SLC17A9: variants seen among roughly 807,000 people sequenced by gnomAD.
SLC17A9 encodes the protein solute carrier family 17 member 9.
SLC17A9 carries 49 observed loss-of-function variants against 55.0 expected under a neutral mutation model. The observed-to-expected ratio is 0.89, with a 90% CI of 0.71 to 1.13. The LOEUF (loss-of-function observed/expected upper bound fraction) is 1.13. SLC17A9 is among the 50% of genes most tolerant of loss of function. The pLI, the probability that SLC17A9 is intolerant of heterozygous loss-of-function variation, is 0.00. For missense variants in SLC17A9, 526 were observed against 569.3 expected (o/e 0.92, Z 0.77); for synonymous variants, 256 against 247.4 (o/e 1.03, Z -0.32).
In SLC17A9 at chr20:62,957,524, G is replaced by T. The variant is rs752793416; in HGVS notation, c.341G>T (p.Ser114Ile). The T allele has an allele frequency of 6.2e-7, 1 of 1,609,434 alleles. No individual in the cohort carries two copies. Among genetic ancestry groups the T allele is most frequent in the Non-Finnish European group, 8.5e-7 (1 of 1,178,492 alleles). ...GTCACCCCACTGCTCGCCCACCTGAGCAGTGCCCACCTGGCCTTCATGACC... is the reference window on the plus strand; with the variant it reads ...GTCACCCCACTGCTCGCCCACCTGATCAGTGCCCACCTGGCCTTCATGACC... Reference protein sequence around the residue: ...TAVTPLLAHLSSAHLAFMTFS... With the variant: ...TAVTPLLAHLISAHLAFMTFS... Residue 114 changes from serine (S) to isoleucine (I), a missense_variant, in exon 3 of 13, where the codon AGC becomes ATC. Ser to Ile is a moderately radical substitution (Grantham distance 142). Coordinates refer to ENST00000370351, the MANE Select transcript of SLC17A9 (RefSeq NM_022082.4).
At chr20:62,960,979 C>T (rs73316333) in intron 4 of SLC17A9, among the ~76,000 whole-genome samples, 5,209 of 152,122 alleles carry the variant, frequency 0.034, 304 homozygotes, top group African/African-American at 0.11. Flanking sequence ...AGCGCAGGAG[C>T]GTCTGGGCCA....
At chr20:62,964,536 G>A (rs8125819) in intron 8 of SLC17A9, among the ~76,000 whole-genome samples, 3,176 of 152,288 alleles carry the variant, frequency 0.021, 88 homozygotes, top group African/African-American at 0.071. Context: ...CTGGGGGCTG[G>A]ATGCAGCCCC....
intron 3 of SLC17A9, among the ~76,000 whole-genome samples, chr20:62,959,842 C>T (rs540993463): frequency 1.3e-5 from 2 of 152,346 alleles, no homozygotes; most frequent in South Asian, 2.1e-4. Flanking sequence ...ACCGTGGCTC[C>T]GCGGTGCCTC....
chr20:62,966,991 C>T (rs752645994), intron 12 of SLC17A9: 76 of 584,074 alleles, frequency 1.3e-4, no homozygotes, highest in East Asian at 1.1e-3. Flanking sequence ...CCAGGGTCCC[C>T]GGGACACCTC....
At position 62,958,077 on chromosome 20, in the gene SLC17A9, ATGTG is replaced by A. The variant is rs1284980369; in HGVS notation, c.397+504_397+507del. 6.6e-6 allele frequency among the ~76,000 whole-genome samples: 1 copy of A among 151,314 alleles called. No homozygotes were observed. The highest frequency in any genetic ancestry group is 2.4e-5 in the African/African-American group (1 of 41,108). ...CGTGTGCATGCCTGTATGCATGTGT[ATGTG>A]TGTGTGCGTTCCTGTATCCATGTGT... On this transcript the variant is annotated intron_variant, in intron 3 of 12. Coordinates refer to ENST00000370351, the MANE Select transcript of SLC17A9 (RefSeq NM_022082.4). The surrounding 1 kb of genome is among the most constrained non-coding windows in gnomAD (Gnocchi z 4.1).
rs1568913247 is a variant in SLC17A9, at chr20:62,958,992, C to T, written c.397+1412C>T. ...CCTCCAGCATCACCGCCTCCCCAGG[C>T]ACTGCCCAGGTCCCACTGCAGGAGC... On this transcript the variant is annotated intron_variant, in intron 3 of 12. Coordinates refer to ENST00000370351, the MANE Select transcript of SLC17A9 (RefSeq NM_022082.4). This position sits in a 1 kb window ranked among gnomAD's most constrained non-coding sequence, Gnocchi z 4.1. 6.6e-6 allele frequency among the ~76,000 whole-genome samples: 1 copy of T among 152,214 alleles called. No homozygotes were observed. Among genetic ancestry groups the T allele is most frequent in the Non-Finnish European group, 1.5e-5 (1 of 68,030 alleles).
rs1467659598 is a variant in SLC17A9 at position 62,960,548 on chromosome 20, C to T, written c.442C>T (p.Arg148Trp). The change falls in exon 4 of 13, where the codon CGG (arginine) becomes TGG (tryptophan). Residue 148 changes from arginine to tryptophan, a missense_variant. Coordinates refer to ENST00000370351, the MANE Select transcript of SLC17A9 (RefSeq NM_022082.4). The stretch of plus-strand genomic sequence containing the variant: ...GACCAGCCTGCTGTCGCAGAAGGTG[C>T]GGGAGAGTGAGCGAGCCTTCACCTA... The part of the protein sequence containing the change: ...ALTSLLSQKV[R>W]ESERAFTYSI... 4 of 1,613,460 alleles carry T rather than the reference C, an allele frequency of 2.5e-6. No individual in the cohort carries two copies. In the East Asian group the frequency reaches 6.7e-5, roughly 27 times the overall value.
intron 3 of SLC17A9, 143 bp from the exon 4 acceptor site, chr20:62,960,361 C>A: frequency 1.4e-6 from 1 of 734,666 alleles, no homozygotes; most frequent in East Asian, 2.8e-5. Flanking sequence ...ACCAAAAGCC[C>A]TGCCCTGCTG....
At chr20:62,963,852 C>T (rs747567622) in intron 7 of SLC17A9, 172 bp downstream of exon 7, 88 of 645,608 alleles carry the variant, frequency 1.4e-4, no homozygotes, top group Non-Finnish European at 2.0e-4. Flanking sequence ...CGTCCATGCT[C>T]GGGGCAGGTT....
At chr20:62,961,638 C>T (rs1386387010) in intron 4 of SLC17A9, among the ~76,000 whole-genome samples, 2 of 152,126 alleles carry the variant, frequency 1.3e-5, no homozygotes, top group Non-Finnish European at 2.9e-5. Context: ...TAGGTGGGGC[C>T]GGGAGCAGGC....
At position 62,952,906 on chromosome 20, in the gene SLC17A9, G is replaced by T; in HGVS notation, c.59+17G>T. On this transcript the variant is annotated intron_variant, in intron 1 of 12. Transcript: ENST00000370351. ...GTGGTCCAGGTGTGGCGGGGGTGAG[G>T]GGAGGGGGGGTGGGAGCGGTGGAGA... The T allele has an allele frequency of 6.9e-7, 1 of 1,448,274 alleles. No individual in the cohort carries two copies. The highest frequency in any genetic ancestry group is 9.2e-7 in the Non-Finnish European group (1 of 1,088,782). The allele number at this position is 1,448,274 out of a possible 1,614,324, so 89.7% of individuals were successfully genotyped here.
chr20:62,957,628 G>A lies in SLC17A9; in HGVS notation c.397+48G>A, dbSNP rs202199770. The A allele has an allele frequency of 1.0e-5, 15 of 1,456,922 alleles. No individual in the cohort carries two copies. In the Admixed American group the frequency reaches 2.9e-4, roughly 28 times the overall value. The allele number at this position is 1,456,922 out of a possible 1,614,324, so 90.2% of individuals were successfully genotyped here. ...CCTCACGCTCTCTGGCACCAGGTGGGGAGACAAGGGGGGTGTGCACGGATG... is the reference window on the plus strand; with the variant it reads ...CCTCACGCTCTCTGGCACCAGGTGGAGAGACAAGGGGGGTGTGCACGGATG... On this transcript the variant is annotated intron_variant, in intron 3 of 12. Coordinates refer to ENST00000370351, the MANE Select transcript of SLC17A9 (RefSeq NM_022082.4).
At position 62,960,548 on chromosome 20, in the gene SLC17A9, C is replaced by A. The variant is rs1467659598; in HGVS notation, c.442C>A (p.Arg148=). The A allele has an allele frequency of 6.2e-7, 1 of 1,613,462 alleles. No individual in the cohort carries two copies. The highest frequency in any genetic ancestry group is 8.5e-7 in the Non-Finnish European group (1 of 1,179,966). ...ALTSLLSQKV[R]ESERAFTYSI... is the part of the protein sequence containing the mutation. ...GACCAGCCTGCTGTCGCAGAAGGTG[C>A]GGGAGAGTGAGCGAGCCTTCACCTA... The change falls in exon 4 of 13, where the codon CGG becomes AGG. Residue 148 remains arginine (R), a synonymous_variant. Coordinates refer to ENST00000370351, the MANE Select transcript of SLC17A9 (RefSeq NM_022082.4).
chr20:62,967,202 C>T, intron 12 of SLC17A9, 135 bp from the exon 13 acceptor site: 2 of 1,063,328 alleles, frequency 1.9e-6, no homozygotes, highest in Non-Finnish European at 2.8e-6. Context: ...CTGAATTCAG[C>T]CCTGGGAACC....
chr20:62,962,971 C>T lies in SLC17A9; in HGVS notation c.628+217C>T. On this transcript the variant is annotated intron_variant, in intron 5 of 12. Transcript: ENST00000370351. This position sits in a 1 kb window ranked among gnomAD's most constrained non-coding sequence, Gnocchi z 5.5. ...AGGTTCCATCTAGGGCTAAGGCAGA[C>T]ACCCAGGAAGACCTGCTGGGCACAG... 1 of 711,762 alleles carries T rather than the reference C, an allele frequency of 1.4e-6. No individual in the cohort carries two copies. Among genetic ancestry groups the T allele is most frequent in the Admixed American group, 3.0e-5 (1 of 33,774 alleles). The allele number at this position is 711,762 out of a possible 1,614,324, so 44.1% of individuals were successfully genotyped here.
Position 62,952,939 on chromosome 20 carries a change from G to C in SLC17A9, c.59+50G>C, listed in dbSNP as rs1294902333. ...GGGTGGGAGCGGTGGAGATGGGGCC[G>C]TGGGGAGGGAGCTGAGATACTGCCA... On this transcript the variant is annotated intron_variant, in intron 1 of 12. Transcript: ENST00000370351. 3.5e-6 allele frequency: 5 copies of C among 1,429,854 alleles called. No individual in the cohort carries two copies. In the East Asian group the frequency reaches 1.3e-4, roughly 36 times the overall value. 88.6% of individuals were successfully genotyped at this position (1,429,854 alleles called of 1,614,324 possible). A position where few individuals can be genotyped will look rare whatever the true frequency, so the allele number is the denominator to read the frequency against.
At chr20:62,965,243 C>T in intron 9 of SLC17A9, 77 bp downstream of exon 9, 1 of 1,580,640 alleles carries the variant, frequency 6.3e-7, no homozygotes, top group Non-Finnish European at 8.7e-7. Flanking sequence ...AGGGTTGTGT[C>T]CCCAAGTCAC....
chr20:62,957,756 G>A lies in SLC17A9; in HGVS notation c.397+176G>A, dbSNP rs569426795. On this transcript the variant is annotated intron_variant, in intron 3 of 12. Coordinates refer to ENST00000370351, the MANE Select transcript of SLC17A9 (RefSeq NM_022082.4). ...TGTGTGTGTGTGCGTGTGTAAGTGT[G>A]TGTATGGCATGCCCGCGTGCATGCG... Among the ~76,000 whole-genome samples, 11 of 147,144 alleles carry A rather than the reference G, an allele frequency of 7.5e-5. No homozygotes were observed. The East Asian group carries it at 2.1e-3, about 27-fold the overall frequency.
At position 62,968,490 on chromosome 20, in the gene SLC17A9, TTAA is replaced by T. The variant is rs2065659302; in HGVS notation, c.*992_*994del. 6.6e-6 allele frequency: 1 copy of T among 152,270 alleles called. No homozygotes were observed. The highest frequency in any genetic ancestry group is 1.5e-5 in the Non-Finnish European group (1 of 68,020). The allele number at this position is 152,270 out of a possible 1,614,324, so 9.4% of individuals were successfully genotyped here. A position where few individuals can be genotyped will look rare whatever the true frequency, so the allele number is the denominator to read the frequency against. The stretch of plus-strand genomic sequence containing the variant: ...CCTGAGGAGCTGGTGGTTTCATGAG[TTAA>T]TGATACATCTTGCAAGGTGTACACA... On this transcript the variant is annotated 3_prime_UTR_variant, in exon 13 of 13. Transcript: ENST00000370351.
Sources: allele counts gnomAD v4.1 joint callset (sites outside exome capture counted in the v4.1 genomes callset), GRCh38; gene constraint gnomAD v4.1.1; non-coding constraint Gnocchi (gnomAD v3.1); transcripts MANE v1.5; gene names NCBI Gene and HGNC (gene_info 2026-07-23, HGNC 2026-07-21).